The following WDR11 variants were observed in gnomAD, a reference collection of about 807,000 sequenced individuals.
WDR11 encodes WD repeat-containing protein 11.
In WDR11, 83 loss-of-function variants were observed where a neutral mutation model predicts 151.2. That is an observed-to-expected ratio of 0.55 (90% CI 0.46 to 0.66). The LOEUF (loss-of-function observed/expected upper bound fraction) is 0.66, where lower values mean the gene tolerates loss of function less well. Ranked by LOEUF, WDR11 falls within the 30% of genes least tolerant of loss-of-function variation. WDR11 has a pLI of 0.00. For missense variants in WDR11, 1,301 were observed against 1,480.9 expected (o/e 0.88, Z 1.99); for synonymous variants, 484 against 533.1 (o/e 0.91, Z 1.27).
intron 13 of WDR11, among the ~76,000 whole-genome samples, chr10:120,881,259 A>G (rs1276495725): frequency 6.6e-6 from 1 of 152,160 alleles, no homozygotes; most frequent in Non-Finnish European, 1.5e-5. Context: ...GTTTCAGGGG[A>G]AAATAACATG....
chr10:120,874,177 T>TG (rs1564702933), intron 11 of WDR11, among the ~76,000 whole-genome samples: 2 of 43,290 alleles, frequency 4.6e-5, no homozygotes, highest in East Asian at 5.2e-4. Flanking sequence ...GTTTTTGCAG[T>TG]TTTTTTTTTT....
intron 4 of WDR11, among the ~76,000 whole-genome samples, chr10:120,861,687 C>T (rs1368738018): frequency 6.6e-6 from 1 of 152,186 alleles, no homozygotes; most frequent in Non-Finnish European, 1.5e-5. Context: ...CTCTTGAATG[C>T]ATCCTTTTTC....
In WDR11 at chr10:120,899,891, AC is replaced by A. The variant is rs1298280749; in HGVS notation, c.2516-137del. The A allele has an allele frequency of 5.0e-5, 35 of 704,640 alleles. 1 individual carries two copies. The highest frequency in any genetic ancestry group is 4.1e-4 in the South Asian group (26 of 63,140). The allele number at this position is 704,640 out of a possible 1,614,324, so 43.6% of individuals were successfully genotyped here. On this transcript the variant is annotated intron_variant, in intron 19 of 28. Transcript: ENST00000263461. ...CTTGGCTTGTGTTTCCTAAGCGGTG[AC>A]TACATTGAATATACTCTCAGTTGTT...
At chr10:120,907,835 G>A (rs1848122377) in intron 28 of WDR11, 1 of 149,602 alleles carries the variant, frequency 6.7e-6, no homozygotes, top group African/African-American at 2.5e-5. Context: ...TAGTAACCCG[G>A]GTCTCACTAT....
chr10:120,859,285 T>A (rs1846051664), intron 3 of WDR11, among the ~76,000 whole-genome samples: 1 of 138,802 alleles, frequency 7.2e-6, no homozygotes, highest in Non-Finnish European at 1.6e-5. Context: ...TTTTTTTTTT[T>A]GAGATGGAGT....
intron 19 of WDR11, among the ~76,000 whole-genome samples, chr10:120,899,324 TGTTA>T (rs1847727799): frequency 6.6e-6 from 1 of 152,164 alleles, no homozygotes; most frequent in Non-Finnish European, 1.5e-5. Flanking sequence ...TGATAGGCCA[TGTTA>T]GTTGAATAGT....
In WDR11 at chr10:120,860,246, T is replaced by C. The variant is rs769632105; in HGVS notation, c.490T>C (p.Phe164Leu). 34 of 1,614,048 alleles carry C rather than the reference T, an allele frequency of 2.1e-5. No individual in the cohort carries two copies. The highest frequency in any genetic ancestry group is 2.8e-5 in the Non-Finnish European group (33 of 1,180,038). ...GAGCTATGCAGATAACATTCTTTCT[T>C]TTTCTTTTGACCCTTTTGATCCCTC... Reference protein sequence around the residue: ...KKSYADNILSFSFDPFDPSHL... With the variant: ...KKSYADNILSLSFDPFDPSHL... The change falls in exon 4 of 29, where the codon TTT becomes CTT. Residue 164 changes from phenylalanine (F) to leucine (L), a missense_variant. This residue lies in a region of WDR11 where 692 missense variants were observed against 762.5 expected (regional missense o/e 0.91). Coordinates refer to ENST00000263461, the MANE Select transcript of WDR11 (RefSeq NM_018117.12).
intron 19 of WDR11, among the ~76,000 whole-genome samples, chr10:120,896,477 T>G (rs1312023552): frequency 1.3e-5 from 2 of 152,230 alleles, no homozygotes; most frequent in Admixed American, 6.5e-5. Flanking sequence ...TAAAATTGAA[T>G]GCAAGACACA....
intron 5 of WDR11, among the ~76,000 whole-genome samples, chr10:120,863,368 A>G (rs1846202658): frequency 6.6e-6 from 1 of 152,228 alleles, no homozygotes; most frequent in East Asian, 1.9e-4. Context: ...TTAAGAGCCA[A>G]GGCTCCGGGG....
chr10:120,890,744 G>A lies in WDR11; in HGVS notation c.2372G>A (p.Gly791Asp). 6.2e-7 allele frequency: 1 copy of A among 1,614,138 alleles called. No homozygotes were observed. The change falls in exon 19 of 29, where the codon GGC becomes GAC. Residue 791 changes from glycine (G) to aspartate (D), a missense_variant. Coordinates refer to ENST00000263461, the MANE Select transcript of WDR11 (RefSeq NM_018117.12). ...EVQMVSSLRS[G>D]RNVTFRILDV... Reference sequence around the variant, plus strand: ...CAGATGGTGAGCAGTTTAAGAAGTGGCAGAAATGTGACCTTTCGTATATTG... The same window carrying A: ...CAGATGGTGAGCAGTTTAAGAAGTGACAGAAATGTGACCTTTCGTATATTG...
rs1368254033 is a variant in WDR11 at position 120,851,473 on chromosome 10, C to T, written c.53C>T (p.Ala18Val). ...GTGTCGGCGCGCACCCTCACGGGGG[C>T]CCTCAACGCCCACAACAAGGCGGCG... is the stretch of plus-strand genomic sequence containing the variant. ...FKVSARTLTG[A>V]LNAHNKAAVD... Residue 18 changes from alanine to valine, a missense_variant, in exon 1 of 29, where the codon GCC becomes GTC. By Grantham distance (64) the Ala-to-Val change is moderately conservative. Around this residue, in one of 3 missense-constraint regions of WDR11, gnomAD observed 692 missense variants for 762.5 expected, o/e 0.91. Transcript: ENST00000263461. The T allele has an allele frequency of 2.5e-6, 4 of 1,611,966 alleles. No individual in the cohort carries two copies. The highest frequency in any genetic ancestry group is 2.7e-5 in the African/African-American group (2 of 74,898).
At chr10:120,857,828 A>T (rs1279264651) in intron 2 of WDR11, among the ~76,000 whole-genome samples, 1 of 151,806 alleles carries the variant, frequency 6.6e-6, no homozygotes, top group African/African-American at 2.4e-5. Context: ...TAGAAATGCA[A>T]ACAAAGACCA....
intron 11 of WDR11, among the ~76,000 whole-genome samples, chr10:120,877,792 A>G (rs1214043208): frequency 6.6e-6 from 1 of 152,180 alleles, no homozygotes; most frequent in African/African-American, 2.4e-5. Context: ...AATCTAAAGC[A>G]CTTGAAGGTT....
Position 120,890,878 on chromosome 10 carries a change from G to C in WDR11, c.2506G>C (p.Glu836Gln). 1 of 1,614,170 alleles carries C rather than the reference G, an allele frequency of 6.2e-7. No homozygotes were observed. Among genetic ancestry groups the C allele is most frequent in the Non-Finnish European group, 8.5e-7 (1 of 1,180,032 alleles). The change falls in exon 19 of 29, where the codon GAG becomes CAG. Residue 836 changes from glutamate to glutamine, a missense_variant. Glu to Gln is a conservative substitution (Grantham distance 29, BLOSUM62 2). This residue lies in a region of WDR11 where 589 missense variants were observed against 670.6 expected (regional missense o/e 0.88). Coordinates refer to ENST00000263461, the MANE Select transcript of WDR11 (RefSeq NM_018117.12). ...TGCGTGCTTTAGAATGGATGAACAA[G>C]AGTTAACCGGTATGGAATCCTAATG... The part of the protein sequence containing the change: ...KSACFRMDEQ[E>Q]LTEPVWCPYL...
intron 23 of WDR11, among the ~76,000 whole-genome samples, 164 bp downstream of exon 23, chr10:120,903,396 G>T (rs190990175): frequency 1.1e-4 from 17 of 152,070 alleles, no homozygotes; most frequent in African/African-American, 3.9e-4. Flanking sequence ...TGTAGTCCCA[G>T]CTACTCAGGA....
At chr10:120,862,688 C>G (rs779312419) in intron 4 of WDR11, 47 bp from the exon 5 acceptor site, 2 of 1,586,240 alleles carry the variant, frequency 1.3e-6, no homozygotes, top group East Asian at 2.2e-5. Context: ...AAACTGTATG[C>G]TAAACTTCAT....
chr10:120,905,211 T>C, intron 25 of WDR11, 108 bp from the exon 26 acceptor site: 1 of 1,002,188 alleles, frequency 1.0e-6, no homozygotes, highest in South Asian at 1.3e-5. Flanking sequence ...CTTCAGTAGG[T>C]ATAAAATGGG....
At position 120,858,193 on chromosome 10, in the gene WDR11, T is replaced by A. The variant is rs185295206; in HGVS notation, c.199-450T>A. Among the ~76,000 whole-genome samples the A allele has an allele frequency of 3.1e-3, 472 of 152,318 alleles. 2 individuals carry two copies. The highest frequency in any genetic ancestry group is 0.011 in the African/African-American group (453 of 41,566). On this transcript the variant is annotated intron_variant, in intron 2 of 28. Transcript: ENST00000263461. ...TGAAAGAGAGAGACAGCTAGAGTTT[T>A]TTGTTTGACTTTGCCTTCTCCTGAC...
At chr10:120,885,284 T>TAC (rs777384312) in intron 14 of WDR11, among the ~76,000 whole-genome samples, 8 of 144,388 alleles carry the variant, frequency 5.5e-5, no homozygotes, top group East Asian at 4.0e-4. Context: ...TATATATATA[T>TAC]ATACACACAC....
Sources: gnomAD v4.1 joint callset for allele counts (sites outside exome capture counted in the v4.1 genomes callset) on GRCh38, gnomAD v4.1.1 for gene constraint, gnomAD v4.1.1 regional missense constraint, MANE v1.5 for transcripts, NCBI Gene and HGNC (gene_info 2026-07-23, HGNC 2026-07-21) for gene names.